Variants in SIAE observed in about 807,000 individuals in gnomAD.
SIAE encodes the protein sialic acid acetylesterase, also known as sialate O-acetylesterase.
SIAE carries 39 observed loss-of-function variants against 52.6 expected under a neutral mutation model. That is an observed-to-expected ratio of 0.74 (90% CI 0.57 to 0.97). The LOEUF (loss-of-function observed/expected upper bound fraction) is 0.97, where lower values mean the gene tolerates loss of function less well. Among genes scored for constraint, SIAE ranks in the 50% least tolerant of loss-of-function variants. The probability of loss-of-function intolerance (pLI) is 0.00; values close to 1 mark genes in which losing one functional copy is unlikely to be tolerated. For missense variants in SIAE, 592 were observed against 662.1 expected (o/e 0.89, Z 1.16); for synonymous variants, 233 against 241.4 (o/e 0.97, Z 0.32).
In SIAE at chr11:124,670,909, A is replaced by G. The variant is rs559096385; in HGVS notation, c.68-1388T>C. Among the ~76,000 whole-genome samples the G allele has an allele frequency of 8.5e-5, 13 of 152,258 alleles. No homozygotes were observed. Among genetic ancestry groups the G allele is most frequent in the East Asian group, 3.9e-4 (2 of 5,182 alleles). On this transcript the variant is annotated intron_variant, in intron 1 of 9. Transcript: ENST00000263593. This position sits in a 1 kb window ranked among gnomAD's most constrained non-coding sequence, Gnocchi z 4.5. ...CATAAGCAGGTTGGCAGCCTGCTGG[A>G]GGGAAGGGGGAGGCACATGTGTGGG...
At position 124,636,364 on chromosome 11, in the gene SIAE, A is replaced by T. The variant is rs1311941185; in HGVS notation, c.*587T>A. ...TAGTAAAGTTTCACGGGAGAAAGAA[A>T]GATTTCGGTTCCACATAAGGAAAAA... On this transcript the variant is annotated 3_prime_UTR_variant, in exon 10 of 10. Transcript: ENST00000263593. 6.4e-6 allele frequency: 1 copy of T among 156,930 alleles called. No individual in the cohort carries two copies. Among genetic ancestry groups the T allele is most frequent in the East Asian group, 1.9e-4 (1 of 5,390 alleles). The allele number at this position is 156,930 out of a possible 1,614,324, so 9.7% of individuals were successfully genotyped here. A position where few individuals can be genotyped will look rare whatever the true frequency, so the allele number is the denominator to read the frequency against.
At chr11:124,656,911 G>C (rs1254235779) in intron 3 of SIAE, among the ~76,000 whole-genome samples, 2 of 152,170 alleles carry the variant, frequency 1.3e-5, no homozygotes, top group African/African-American at 2.4e-5. Flanking sequence ...CACAGAGTGT[G>C]CAGCTGGCTC....
At chr11:124,655,473 C>T (rs1943085317) in intron 3 of SIAE, among the ~76,000 whole-genome samples, 1 of 152,140 alleles carries the variant, frequency 6.6e-6, no homozygotes, top group Non-Finnish European at 1.5e-5. Context: ...CCGCACCCAG[C>T]CAATTAACTT....
At chr11:124,666,108 C>T (rs1049651693) in intron 2 of SIAE, among the ~76,000 whole-genome samples, 2 of 152,186 alleles carry the variant, frequency 1.3e-5, no homozygotes, top group Non-Finnish European at 2.9e-5. Context: ...CAACCCAGTA[C>T]CTGACCATGG....
chr11:124,673,508 C>T, intron 1 of SIAE, 134 bp downstream of exon 1: 1 of 1,052,886 alleles, frequency 9.5e-7, no homozygotes. Context: ...GTCGGAGACG[C>T]GAGCCCCTAG....
Position 124,647,949 on chromosome 11 carries a change from A to G in SIAE, c.832+117T>C. 4 of 836,772 alleles carry G rather than the reference A, an allele frequency of 4.8e-6. No individual in the cohort carries two copies. The Admixed American group carries it at 7.8e-5, about 16-fold the overall frequency. 51.8% of individuals were successfully genotyped at this position (836,772 alleles called of 1,614,324 possible). A position where few individuals can be genotyped will look rare whatever the true frequency, so the allele number is the denominator to read the frequency against. On this transcript the variant is annotated intron_variant, in intron 6 of 9. Coordinates refer to ENST00000263593, the MANE Select transcript of SIAE (RefSeq NM_170601.5). Reference sequence around the variant, plus strand: ...AAACTACCCTGCTCACCCACAGAACAGTGAGCTGAATAAAATTATAAAGTT... The same window carrying G: ...AAACTACCCTGCTCACCCACAGAACGGTGAGCTGAATAAAATTATAAAGTT...
chr11:124,665,696 G>A (rs1391888523), intron 2 of SIAE, among the ~76,000 whole-genome samples: 1 of 152,180 alleles, frequency 6.6e-6, no homozygotes, highest in African/African-American at 2.4e-5. Flanking sequence ...GCGGGTGCCT[G>A]TAACCTCAGC....
chr11:124,647,968 T>A, intron 6 of SIAE, 98 bp downstream of exon 6: 1 of 961,796 alleles, frequency 1.0e-6, no homozygotes, highest in Non-Finnish European at 1.7e-6. Context: ...AATAAAATTA[T>A]AAAGTTATTG....
In SIAE at chr11:124,673,731, C is replaced by G. The variant is rs745575903; in HGVS notation, c.-23G>C. On this transcript the variant is annotated 5_prime_UTR_variant, in exon 1 of 10. Coordinates refer to ENST00000263593, the MANE Select transcript of SIAE (RefSeq NM_170601.5). ...CATGCTTGCAAGGATCTGACCGCCG[C>G]CTAGGACTGGGAAAGTGGGTTCCCG... 6.2e-7 allele frequency: 1 copy of G among 1,611,768 alleles called. No homozygotes were observed. The highest frequency in any genetic ancestry group is 8.5e-7 in the Non-Finnish European group (1 of 1,179,126).
At chr11:124,668,733 G>C (rs1032450652) in intron 2 of SIAE, among the ~76,000 whole-genome samples, 1 of 152,190 alleles carries the variant, frequency 6.6e-6, no homozygotes, top group Non-Finnish European at 1.5e-5. Context: ...TGAAAGCAGT[G>C]ACTTCCAGAG....
chr11:124,660,801 G>T lies in SIAE; in HGVS notation c.232C>A (p.His78Asn). The change falls in exon 3 of 10, where the codon CAC (histidine) becomes AAC (asparagine). Residue 78 changes from histidine (H) to asparagine (N), a missense_variant and splice_region_variant. Coordinates refer to ENST00000263593, the MANE Select transcript of SIAE (RefSeq NM_170601.5). ...IMKKVTSVKA[H>N]SDTWMVVLDP... Reference sequence around the variant, plus strand: ...AGTACCACCATCCACGTATCAGAGTGAGCTGAAATAGTAACAGGACTCCAA... The same window carrying T: ...AGTACCACCATCCACGTATCAGAGTTAGCTGAAATAGTAACAGGACTCCAA... 1 of 1,614,112 alleles carries T rather than the reference G, an allele frequency of 6.2e-7. No homozygotes were observed. Among genetic ancestry groups the T allele is most frequent in the East Asian group, 2.2e-5 (1 of 44,888 alleles).
At chr11:124,652,511 A>G (rs1369131920) in intron 4 of SIAE, among the ~76,000 whole-genome samples, 1 of 152,064 alleles carries the variant, frequency 6.6e-6, no homozygotes, top group East Asian at 1.9e-4. Flanking sequence ...CCTGGCCAAC[A>G]TAGTGAAACC....
At chr11:124,644,351 G>GAAAAAAAAAAAAAAAAAAAAAA (rs766691334) in intron 7 of SIAE, among the ~76,000 whole-genome samples, 5 of 98,994 alleles carry the variant, frequency 5.1e-5, no homozygotes, top group Admixed American at 2.3e-4. Flanking sequence ...AGTCTGTGGT[G>GAAAAAAAAAAAAAAAAAAAAAA]AGAAAAAAAA....
In SIAE at chr11:124,635,388, T is replaced by G. The variant is rs1942706468; in HGVS notation, c.*1563A>C. 6.6e-6 allele frequency: 1 copy of G among 152,224 alleles called. No homozygotes were observed. Among genetic ancestry groups the G allele is most frequent in the African/African-American group, 2.4e-5 (1 of 41,452 alleles). 9.4% of individuals were successfully genotyped at this position (152,224 alleles called of 1,614,324 possible). A position where few individuals can be genotyped will look rare whatever the true frequency, so the allele number is the denominator to read the frequency against. ...TTTTAACTAAATAAAATCTTGGCAC[T>G]GACAAAGTTATTCCTGCTGTTTGGA... On this transcript the variant is annotated 3_prime_UTR_variant, in exon 10 of 10. Transcript: ENST00000263593.
rs896154649 is a variant in SIAE, at chr11:124,634,582, T to C, written c.*2369A>G. On this transcript the variant is annotated 3_prime_UTR_variant, in exon 10 of 10. Coordinates refer to ENST00000263593, the MANE Select transcript of SIAE (RefSeq NM_170601.5). The stretch of plus-strand genomic sequence containing the variant: ...CATGTTAAGAACCCTAAGAAATAAC[T>C]GGACGAGTGTGGTATGATGTTTGCA... 1 of 152,294 alleles carries C rather than the reference T, an allele frequency of 6.6e-6. No individual in the cohort carries two copies. Among genetic ancestry groups the C allele is most frequent in the East Asian group, 1.9e-4 (1 of 5,190 alleles). The allele number at this position is 152,294 out of a possible 1,614,324, so 9.4% of individuals were successfully genotyped here.
At chr11:124,651,696 C>T (rs1943019954) in intron 4 of SIAE, among the ~76,000 whole-genome samples, 2 of 152,176 alleles carry the variant, frequency 1.3e-5, no homozygotes, top group South Asian at 4.1e-4. Context: ...TAAACACTGA[C>T]CTCCCCGCCC....
chr11:124,661,515 C>A (rs1261815014), intron 2 of SIAE, among the ~76,000 whole-genome samples: 1 of 152,142 alleles, frequency 6.6e-6, no homozygotes, highest in Non-Finnish European at 1.5e-5. Context: ...CTGTCTGAGA[C>A]CCTATTTCAG....
chr11:124,675,927 A>C (rs1407508207), upstream of SIAE: 2 of 152,800 alleles, frequency 1.3e-5, no homozygotes, highest in African/African-American at 4.8e-5. Context: ...ACTGTTCTGC[A>C]ATAACGGCAC....
intron 7 of SIAE, among the ~76,000 whole-genome samples, chr11:124,644,611 A>G (rs1307719915): frequency 2.6e-5 from 4 of 152,218 alleles, no homozygotes; most frequent in Non-Finnish European, 4.4e-5. Context: ...TGGTAGAAAT[A>G]CTGCGGCTAA....
Sources: allele counts gnomAD v4.1 joint callset (sites outside exome capture counted in the v4.1 genomes callset), GRCh38; gene constraint gnomAD v4.1.1; non-coding constraint Gnocchi (gnomAD v3.1); transcripts MANE v1.5; gene names NCBI Gene and HGNC (gene_info 2026-07-23, HGNC 2026-07-21).